Variants in ACSL6 observed in about 807,000 individuals in gnomAD.
ACSL6 encodes the protein acyl-CoA synthetase long chain family member 6.
A neutral mutation model predicts 98.2 loss-of-function variants in ACSL6; 47 were observed. The ratio of observed to expected loss-of-function variants is 0.48; its 90% CI spans 0.38 to 0.61. The LOEUF is 0.61. Among genes scored for constraint, ACSL6 ranks in the 20% least tolerant of loss-of-function variants. The pLI, the probability that ACSL6 is intolerant of heterozygous loss-of-function variation, is 0.00. For synonymous variants in ACSL6, 362 were observed against 336.9 expected (o/e 1.07, Z -0.82); for missense variants, 761 against 913.4 (o/e 0.83, Z 2.15).
chr5:131,973,235 A>G, intron 12 of ACSL6, 31 bp downstream of exon 12: 2 of 1,608,338 alleles, frequency 1.2e-6, no homozygotes, highest in African/African-American at 1.3e-5. Flanking sequence ...GCAGCCCCTC[A>G]GCCTGGCTGA....
rs753374321 is a variant in ACSL6 at position 131,967,979 on chromosome 5, A to G, written c.1557T>C (p.Val519=). The G allele has an allele frequency of 1.9e-6, 3 of 1,613,992 alleles. 1 individual carries two copies. In the Admixed American group the frequency reaches 5.0e-5, roughly 27 times the overall value. Residue 519 remains valine, a synonymous_variant, in exon 16 of 21, where the codon GTT becomes GTC. Transcript: ENST00000651883. ...LPCNHIKLVD[V]EELNYWACKG... Reference sequence around the variant, plus strand: ...TGCAGGCCCAGTAGTTCAGTTCCTCAACATCAACGAGCTTGATATGATTGC... The same window carrying G: ...TGCAGGCCCAGTAGTTCAGTTCCTCGACATCAACGAGCTTGATATGATTGC...
intron 1 of ACSL6, chr5:131,999,489 G>C (rs1396915761): frequency 6.6e-6 from 1 of 152,088 alleles, no homozygotes; most frequent in Non-Finnish European, 1.5e-5. Context: ...TATAGGGCCT[G>C]TGGGGCCCAG....
chr5:131,997,477 C>T (rs964425143), intron 1 of ACSL6, among the ~76,000 whole-genome samples: 2 of 152,218 alleles, frequency 1.3e-5, no homozygotes, highest in Non-Finnish European at 2.9e-5. Context: ...CACAGACAAC[C>T]AGCTCCAGCT....
intron 9 of ACSL6, among the ~76,000 whole-genome samples, chr5:131,981,303 T>C (rs1753875370): frequency 1.4e-5 from 2 of 139,952 alleles, no homozygotes. Context: ...CTCCCTGCCA[T>C]ACCTTCATAG....
intron 6 of ACSL6, 195 bp from the exon 7 acceptor site, chr5:131,988,421 G>T: frequency 7.5e-7 from 1 of 1,330,434 alleles, no homozygotes; most frequent in Non-Finnish European, 1.0e-6. Flanking sequence ...AAGGGCAGAA[G>T]GCCATGGAAC....
chr5:131,992,477 C>T (rs572366163), intron 2 of ACSL6, among the ~76,000 whole-genome samples: 1 of 152,168 alleles, frequency 6.6e-6, no homozygotes, highest in Non-Finnish European at 1.5e-5. Flanking sequence ...GCTTTCTGGG[C>T]TCCTGGGGGA....
intron 1 of ACSL6, among the ~76,000 whole-genome samples, chr5:132,008,305 T>C (rs1755522713): frequency 6.6e-6 from 1 of 152,230 alleles, no homozygotes; most frequent in Non-Finnish European, 1.5e-5. Context: ...CTCACAGGCC[T>C]GAACTAAGCC....
At position 131,971,623 on chromosome 5, in the gene ACSL6, C is replaced by G; in HGVS notation, c.1361G>C (p.Arg454Pro). 1 of 1,610,948 alleles carries G rather than the reference C, an allele frequency of 6.2e-7. No homozygotes were observed. Among genetic ancestry groups the G allele is most frequent in the Non-Finnish European group, 8.5e-7 (1 of 1,178,268 alleles). ...KIQASLGGCV[R>P]MIVTGAAPAS... is the part of the protein sequence containing the mutation. ...TGGGGCTGCTCCAGTAACAATCATC[C>G]GCACACACCCACCAAGACTGGCCTG... The change falls in exon 14 of 21, where the codon CGG (arginine) becomes CCG (proline). Residue 454 changes from arginine to proline, a missense_variant. Transcript: ENST00000651883.
At chr5:132,006,154 G>T (rs767416807) in intron 1 of ACSL6, among the ~76,000 whole-genome samples, 11 of 152,228 alleles carry the variant, frequency 7.2e-5, no homozygotes, top group Non-Finnish European at 1.5e-4. Context: ...GGGAGAGGAA[G>T]GGTATCTCTG....
At position 132,011,459 on chromosome 5, in the gene ACSL6, C is replaced by A. The variant is rs774695327; in HGVS notation, c.49+46G>T. On this transcript the variant is annotated intron_variant, in intron 1 of 20. Coordinates refer to ENST00000651883, the MANE Select transcript of ACSL6 (RefSeq NM_001009185.3). This position sits in a 1 kb window ranked among gnomAD's most constrained non-coding sequence, Gnocchi z 5.4. ...TCCACCTCGGGCGAAGACCTCATAG[C>A]CTGCGGGAGATGGGAGTCCGGGACG... 3.1e-6 allele frequency: 5 copies of A among 1,592,388 alleles called. No individual in the cohort carries two copies. The highest frequency in any genetic ancestry group is 4.3e-6 in the Non-Finnish European group (5 of 1,162,364).
chr5:131,953,073 C>T lies in ACSL6; in HGVS notation c.*1161G>A, dbSNP rs148993230. On this transcript the variant is annotated 3_prime_UTR_variant, in exon 21 of 21. Coordinates refer to ENST00000651883, the MANE Select transcript of ACSL6 (RefSeq NM_001009185.3). ...TGTAGGTACATTAATTGCTGCCTACCCTGAGAAATAACTCTGAGTTTCTTC... is the reference window on the plus strand; with the variant it reads ...TGTAGGTACATTAATTGCTGCCTACTCTGAGAAATAACTCTGAGTTTCTTC... The T allele has an allele frequency of 6.8e-3, 1,388 of 203,348 alleles. 4 individuals carry two copies. The highest frequency in any genetic ancestry group is 0.017 in the Middle Eastern group (10 of 578). 12.6% of individuals were successfully genotyped at this position (203,348 alleles called of 1,614,324 possible). A position where few individuals can be genotyped will look rare whatever the true frequency, so the allele number is the denominator to read the frequency against.
chr5:131,967,462 G>A (rs974230455), intron 16 of ACSL6, among the ~76,000 whole-genome samples: 2 of 151,976 alleles, frequency 1.3e-5, no homozygotes, highest in Admixed American at 1.3e-4. Flanking sequence ...AGGAGATTAA[G>A]ACCATCCTGT....
rs780761195 is a variant in ACSL6, at chr5:131,973,314, G to A, written c.1155C>T (p.Pro385=). 143 of 1,614,072 alleles carry A rather than the reference G, an allele frequency of 8.9e-5. No individual in the cohort carries two copies. The highest frequency in any genetic ancestry group is 1.1e-4 in the Non-Finnish European group (129 of 1,180,030). Reference sequence around the variant, plus strand: ...GTCGTGGGACCACAGGGAAGATGGTGGGGCATAGAGCCTTCATGTCATCTG... The same window carrying A: ...GTCGTGGGACCACAGGGAAGATGGTAGGGCATAGAGCCTTCATGTCATCTG... ...LLSDDMKALC[P]TIFPVVPRLL... Residue 385 remains proline (P), a synonymous_variant, in exon 12 of 21, where the codon CCC becomes CCT. Transcript: ENST00000651883.
chr5:131,953,977 GAA>G lies in ACSL6; in HGVS notation c.*255_*256del, dbSNP rs1196128039. ...ACTTTTAGTGGTACACAGTTCTTGA[GAA>G]AATGTCTTGATTTTTACATTGCCAT... On this transcript the variant is annotated 3_prime_UTR_variant, in exon 21 of 21. Transcript: ENST00000651883. 1 of 288,114 alleles carries G rather than the reference GAA, an allele frequency of 3.5e-6. No individual in the cohort carries two copies. Among genetic ancestry groups the G allele is most frequent in the Non-Finnish European group, 6.4e-6 (1 of 156,256 alleles). 17.8% of individuals were successfully genotyped at this position (288,114 alleles called of 1,614,324 possible). A position where few individuals can be genotyped will look rare whatever the true frequency, so the allele number is the denominator to read the frequency against.
At chr5:132,004,960 G>A (rs1755319522) in intron 1 of ACSL6, among the ~76,000 whole-genome samples, 1 of 152,078 alleles carries the variant, frequency 6.6e-6, no homozygotes, top group South Asian at 2.1e-4. Context: ...GAACAGCCTG[G>A]CCAATGTGGT....
intron 15 of ACSL6, 43 bp from the exon 16 acceptor site, chr5:131,968,071 T>C (rs1561781805): frequency 6.4e-7 from 1 of 1,571,170 alleles, no homozygotes; most frequent in African/African-American, 1.3e-5. Flanking sequence ...TGTTCAGATC[T>C]GTTTTAGCAC....
chr5:131,978,892 G>C (rs1753761230), intron 9 of ACSL6, among the ~76,000 whole-genome samples: 1 of 152,180 alleles, frequency 6.6e-6, no homozygotes. Context: ...AGACACATCT[G>C]TTTGACTGAA....
At chr5:131,994,648 G>C (rs1157564685) in intron 1 of ACSL6, 1 of 263,082 alleles carries the variant, frequency 3.8e-6, no homozygotes, top group African/African-American at 2.2e-5. Flanking sequence ...CTTTGCTCCT[G>C]GGGTGTGGAG....
intron 1 of ACSL6, among the ~76,000 whole-genome samples, chr5:132,009,308 T>C (rs564667905): frequency 8.1e-4 from 124 of 152,286 alleles, no homozygotes; most frequent in South Asian, 6.0e-3. Flanking sequence ...AGCACATAAC[T>C]CTACTAAAGA....
Sources: allele counts gnomAD v4.1 joint callset (sites outside exome capture counted in the v4.1 genomes callset), GRCh38; gene constraint gnomAD v4.1.1; non-coding constraint Gnocchi (gnomAD v3.1); transcripts MANE v1.5; gene names NCBI Gene and HGNC (gene_info 2026-07-23, HGNC 2026-07-21).